The following MEPE variants were observed in gnomAD, a reference collection of about 807,000 sequenced individuals.
MEPE encodes the protein matrix extracellular phosphoglycoprotein.
Under a neutral mutation model 7.3 loss-of-function variants are expected in MEPE, and 7 were observed. The ratio of observed to expected loss-of-function variants is 0.95; its 90% CI spans 0.54 to 1.79. The LOEUF (loss-of-function observed/expected upper bound fraction) is 1.79. MEPE is among the 40% of genes most tolerant of loss of function. MEPE has a pLI of 0.00. For synonymous variants in MEPE, 214 were observed against 213.1 expected, an observed-to-expected ratio of 1.00 and a Z score of -0.04; for missense variants, 623 against 628.2, an observed-to-expected ratio of 0.99 and a Z score of 0.09.
rs544229220 is a variant in MEPE, at chr4:87,824,734, T to G, written c.-13+3263T>G. On this transcript the variant is annotated intron_variant, in intron 1 of 3. Transcript: ENST00000424957. ...CTTTGTGTTTTTTTTGTTTGTTTGT[T>G]TTCAATTTGAAGCTTTGTCCTTTGC... is the stretch of plus-strand genomic sequence containing the variant. Among the ~76,000 whole-genome samples, 74 of 152,376 alleles carry G rather than the reference T, an allele frequency of 4.9e-4. No homozygotes were observed. The South Asian group carries it at 0.015, about 31-fold the overall frequency.
Position 87,822,855 on chromosome 4 carries a change from G to A in MEPE, c.-13+1384G>A, listed in dbSNP as rs565132000. On this transcript the variant is annotated intron_variant, in intron 1 of 3. Coordinates refer to the MEPE transcript ENST00000424957. The stretch of plus-strand genomic sequence containing the variant: ...GCCCATGGCATCTCTTCACCAGCTT[G>A]CTTATCCTTTCCTGCTGCAGGAGGA... 9.2e-4 allele frequency among the ~76,000 whole-genome samples: 140 copies of A among 152,306 alleles called. 1 individual carries two copies. The highest frequency in any genetic ancestry group is 1.7e-3 in the Non-Finnish European group (116 of 68,022).
At chr4:87,835,238 A>T (rs1475436203) in intron 2 of MEPE, among the ~76,000 whole-genome samples, 1 of 152,202 alleles carries the variant, frequency 6.6e-6, no homozygotes, top group Non-Finnish European at 1.5e-5. Flanking sequence ...ATACTGTGGG[A>T]TCCTACTTGT....
Position 87,845,513 on chromosome 4 carries a change from TA to T in MEPE, c.646del (p.Ile216PhefsTer8). The T allele has an allele frequency of 6.2e-7, 1 of 1,613,122 alleles. No individual in the cohort carries two copies. Among genetic ancestry groups the T allele is most frequent in the Non-Finnish European group, 8.5e-7 (1 of 1,179,762 alleles). ...CAGTAAAAAGCAAAAGCACCCATCG[TA>T]TTCAACACAACATTGACTACCTAAA... ...SPVKSKSTHRIQHNIDYLKHL... is the reference protein window; with the variant it reads ...SPVKSKSTHRXQHNIDYLKHL... On this transcript the variant is annotated frameshift_variant, in exon 4 of 4. Transcript: ENST00000361056. LOFTEE classifies it low-confidence loss of function (END_TRUNC).
At chr4:87,838,805 A>G in intron 3 of MEPE, 120 bp downstream of exon 3, 1 of 804,380 alleles carries the variant, frequency 1.2e-6, no homozygotes, top group Non-Finnish European at 2.0e-6. Flanking sequence ...GAAAAAATAT[A>G]CAACATAATG....
intron 1 of MEPE, among the ~76,000 whole-genome samples, chr4:87,833,778 T>G (rs1313293473): frequency 6.6e-6 from 1 of 152,198 alleles, no homozygotes; most frequent in Non-Finnish European, 1.5e-5. Context: ...TACCTTTATT[T>G]GTAACTAAAT....
At chr4:87,843,194 T>C (rs867047615) in intron 3 of MEPE, among the ~76,000 whole-genome samples, 1 of 152,200 alleles carries the variant, frequency 6.6e-6, no homozygotes, top group South Asian at 2.1e-4. Context: ...GCCTCCTACA[T>C]GTTCTTTCTT....
chr4:87,838,357 C>T (rs1413370705), intron 2 of MEPE, among the ~76,000 whole-genome samples: 1 of 152,164 alleles, frequency 6.6e-6, no homozygotes, highest in Non-Finnish European at 1.5e-5. Flanking sequence ...ACTCCCCCAC[C>T]ACACCCACTT....
At chr4:87,841,033 G>A (rs1722994576) in intron 3 of MEPE, among the ~76,000 whole-genome samples, 1 of 152,024 alleles carries the variant, frequency 6.6e-6, no homozygotes, top group Admixed American at 6.6e-5. Context: ...TATACCACAG[G>A]ATAAAAGTTG....
chr4:87,845,982 T>A lies in MEPE; in HGVS notation c.1114T>A (p.Phe372Ile). 1.9e-6 allele frequency: 3 copies of A among 1,613,568 alleles called. No homozygotes were observed. Among genetic ancestry groups the A allele is most frequent in the Non-Finnish European group, 2.5e-6 (3 of 1,179,888 alleles). Residue 372 changes from phenylalanine (F) to isoleucine (I), a missense_variant, in exon 4 of 4, where the codon TTT becomes ATT. Transcript: ENST00000361056. ...SQNAHQGKVEFHYPPAPSKEK... is the reference protein window; with the variant it reads ...SQNAHQGKVEIHYPPAPSKEK... Reference sequence around the variant, plus strand: ...AAATGCTCACCAAGGGAAGGTTGAGTTTCATTACCCTCCTGCACCCTCAAA... The same window carrying A: ...AAATGCTCACCAAGGGAAGGTTGAGATTCATTACCCTCCTGCACCCTCAAA...
chr4:87,832,047 T>C (rs1722613321), upstream of MEPE, among the ~76,000 whole-genome samples: 1 of 151,928 alleles, frequency 6.6e-6, no homozygotes, highest in Admixed American at 6.6e-5. Flanking sequence ...CTATCTCTTC[T>C]TCCAATTTGG....
chr4:87,833,783 CTAAA>C (rs1238626271), intron 1 of MEPE, among the ~76,000 whole-genome samples: 1 of 152,048 alleles, frequency 6.6e-6, no homozygotes, highest in Non-Finnish European at 1.5e-5. Context: ...TTATTTGTAA[CTAAA>C]TGTTAGTATT....
chr4:87,844,449 A>G (rs1188463869), intron 3 of MEPE, among the ~76,000 whole-genome samples: 1 of 152,152 alleles, frequency 6.6e-6, no homozygotes, highest in Non-Finnish European at 1.5e-5. Flanking sequence ...TCTCCCAGGG[A>G]CTTTTAAATG....
Position 87,838,617 on chromosome 4 carries a change from C to G in MEPE, c.55-15C>G. ...TGTTCTAGTGGGTGAAGTTTTGTTTCTTGTTTCCTTTCAGACATTTCAACC... is the reference window on the plus strand; with the variant it reads ...TGTTCTAGTGGGTGAAGTTTTGTTTGTTGTTTCCTTTCAGACATTTCAACC... On this transcript the variant is annotated splice_polypyrimidine_tract_variant and intron_variant, in intron 2 of 3. Coordinates refer to ENST00000361056, the MANE Select transcript of MEPE (RefSeq NM_020203.6). The G allele has an allele frequency of 1.2e-6, 2 of 1,611,880 alleles. No individual in the cohort carries two copies. The highest frequency in any genetic ancestry group is 1.7e-6 in the Non-Finnish European group (2 of 1,178,656).
chr4:87,840,166 C>G (rs370425004), intron 3 of MEPE: 1 of 1,289,148 alleles, frequency 7.8e-7, no homozygotes, highest in Non-Finnish European at 1.0e-6. Flanking sequence ...CAGCAGGGGA[C>G]GGCTAAGAGG....
At chr4:87,823,455 A>G (rs1722391025) in intron 1 of MEPE, among the ~76,000 whole-genome samples, 1 of 152,208 alleles carries the variant, frequency 6.6e-6, no homozygotes, top group African/African-American at 2.4e-5. Flanking sequence ...TTATTGTGAC[A>G]TAAATTCTAT....
chr4:87,824,720 TTTTG>T (rs965434855), intron 1 of MEPE, among the ~76,000 whole-genome samples: 1 of 152,382 alleles, frequency 6.6e-6, no homozygotes, highest in African/African-American at 2.4e-5. Flanking sequence ...TTTGTGTTTT[TTTTG>T]TTTGTTTGTT....
At chr4:87,843,525 T>C (rs1206971197) in intron 3 of MEPE, among the ~76,000 whole-genome samples, 2 of 152,130 alleles carry the variant, frequency 1.3e-5, no homozygotes, top group Non-Finnish European at 2.9e-5. Flanking sequence ...GTTGATTTCA[T>C]ATTACTCATC....
chr4:87,836,028 G>A (rs775242435), intron 2 of MEPE, among the ~76,000 whole-genome samples: 8 of 151,910 alleles, frequency 5.3e-5, no homozygotes, highest in South Asian at 2.1e-4. Flanking sequence ...ATCTGCTTGG[G>A]GGTATAGAGG....
rs554226584 is a variant in MEPE at position 87,846,528 on chromosome 4, T to A, written c.*82T>A. The stretch of plus-strand genomic sequence containing the variant: ...ATGTAGAGGAGAGCCACCTGACAGC[T>A]GACCAGGTGAAGAGAGGATAGAGTG... On this transcript the variant is annotated 3_prime_UTR_variant, in exon 4 of 4. Coordinates refer to ENST00000361056, the MANE Select transcript of MEPE (RefSeq NM_020203.6). 6.9e-6 allele frequency: 10 copies of A among 1,445,820 alleles called. No individual in the cohort carries two copies. Among genetic ancestry groups the A allele is most frequent in the Non-Finnish European group, 7.5e-6 (8 of 1,071,560 alleles). 89.6% of individuals were successfully genotyped at this position (1,445,820 alleles called of 1,614,324 possible). A position where few individuals can be genotyped will look rare whatever the true frequency, so the allele number is the denominator to read the frequency against.
Sources: allele counts gnomAD v4.1 joint callset (sites outside exome capture counted in the v4.1 genomes callset), GRCh38; gene constraint gnomAD v4.1.1; transcripts MANE v1.5; gene names NCBI Gene and HGNC (gene_info 2026-07-23, HGNC 2026-07-21).